TJP2: variants seen among roughly 807,000 people sequenced by gnomAD.
TJP2 encodes the protein tight junction protein 2, also known as Friedreich ataxia region gene X104 (tight junction protein ZO-2).
TJP2 carries 91 observed loss-of-function variants against 133.1 expected under a neutral mutation model. The ratio of observed to expected loss-of-function variants is 0.68; its 90% confidence interval spans 0.58 to 0.81. The LOEUF is 0.81. TJP2 is among the 40% of genes least tolerant of loss of function. The pLI, the probability that TJP2 is intolerant of heterozygous loss-of-function variation, is 0.00. For missense variants in TJP2, 1,541 were observed against 1,565.6 expected (o/e 0.98, Z 0.26); for synonymous variants, 592 against 583.4 (o/e 1.01, Z -0.21).
In TJP2 at chr9:69,234,436, T is replaced by C. The variant is rs746188997; in HGVS notation, c.1672-3T>C. 2.7e-6 allele frequency: 4 copies of C among 1,503,200 alleles called. No homozygotes were observed. In the South Asian group the frequency reaches 3.6e-5, roughly 13 times the overall value. The allele number at this position is 1,503,200 out of a possible 1,614,324, so 93.1% of individuals were successfully genotyped here. ...TTCTTTTTCTGTTTTTCCTTCCTAA[T>C]AGGTGAACACACAGGATTTCAGAGG... On this transcript the variant is annotated splice_polypyrimidine_tract_variant and splice_region_variant and intron_variant, in intron 11 of 22. Transcript: ENST00000377245.
At chr9:69,121,412 G>C, upstream of TJP2, 1 of 906,774 alleles carries the variant, frequency 1.1e-6, no homozygotes, top group Non-Finnish European at 1.3e-6. Flanking sequence ...GCTGCTCTCT[G>C]GCTCGCCACC....
Position 69,221,347 on chromosome 9 carries a change from A to C in TJP2, c.803A>C (p.Glu268Ala). 1 of 1,588,780 alleles carries C rather than the reference A, an allele frequency of 6.3e-7. No individual in the cohort carries two copies. ...DPDYERAYSPEYRRGARHDAR... is the reference protein window; with the variant it reads ...DPDYERAYSPAYRRGARHDAR... ...GACTACGAGCGGGCCTACAGCCCGG[A>C]GTACAGGCGCGGGGCCCGCCACGAT... The change falls in exon 5 of 23, where the codon GAG (glutamate) becomes GCG (alanine). Residue 268 changes from glutamate to alanine, a missense_variant. By Grantham distance (107) the Glu-to-Ala change is moderately radical (BLOSUM62 -1). Coordinates refer to ENST00000377245, the MANE Select transcript of TJP2 (RefSeq NM_004817.4).
intron 1 of TJP2, among the ~76,000 whole-genome samples, chr9:69,198,205 T>G (rs3002383): frequency 0.9 from 134,473 of 148,756 alleles, 60,866 homozygotes; most frequent in Middle Eastern, 0.94. Context: ...GCAGTGACAC[T>G]ATCTCAGCTC....
At chr9:69,164,131 T>C (rs1824229492) in intron 2 of TJP2, among the ~76,000 whole-genome samples, 1 of 152,164 alleles carries the variant, frequency 6.6e-6, no homozygotes, top group African/African-American at 2.4e-5. Flanking sequence ...TCCAGGCCAG[T>C]TTCCTTTGTT....
chr9:69,156,587 T>C (rs948220446), intron 2 of TJP2, among the ~76,000 whole-genome samples: 1 of 145,894 alleles, frequency 6.9e-6, no homozygotes, highest in Non-Finnish European at 1.5e-5. Flanking sequence ...GCGGGAGTGC[T>C]GTGGCGCGAT....
chr9:69,185,925 G>A (rs1422255612), intron 1 of TJP2, among the ~76,000 whole-genome samples: 1 of 145,970 alleles, frequency 6.9e-6, no homozygotes, highest in African/African-American at 2.5e-5. Flanking sequence ...TCTCGGTTGC[G>A]CCTGGCTAAT....
chr9:69,186,776 T>C (rs1197605498), intron 1 of TJP2, among the ~76,000 whole-genome samples: 2 of 152,236 alleles, frequency 1.3e-5, no homozygotes, highest in African/African-American at 2.4e-5. Context: ...GTGGTGTTGC[T>C]TCGTGTATTT....
chr9:69,180,275 C>T (rs1825402462), intron 1 of TJP2, among the ~76,000 whole-genome samples: 1 of 152,068 alleles, frequency 6.6e-6, no homozygotes, highest in African/African-American at 2.4e-5. Flanking sequence ...ATGCCTTTGC[C>T]ATCGTATTAA....
chr9:69,234,408 TTTTTC>T, intron 11 of TJP2, 26 bp from the exon 12 acceptor site: 1 of 1,394,852 alleles, frequency 7.2e-7, no homozygotes, highest in Non-Finnish European at 9.9e-7. Context: ...CTTTTTTTTT[TTTTTC>T]TTTTTCTGTT....
intron 1 of TJP2, among the ~76,000 whole-genome samples, chr9:69,134,929 G>A (rs905714321): frequency 6.6e-6 from 1 of 151,964 alleles, no homozygotes; most frequent in African/African-American, 2.4e-5. Flanking sequence ...TATGGAGAGA[G>A]AGGGAGAAGA....
intron 21 of TJP2, among the ~76,000 whole-genome samples, chr9:69,251,826 G>A (rs4617219): frequency 2.0e-5 from 3 of 152,144 alleles, no homozygotes; most frequent in Non-Finnish European, 4.4e-5. Context: ...AAACAAAGAA[G>A]AATTTAACTA....
At chr9:69,219,600 C>T (rs944494083) in intron 4 of TJP2, among the ~76,000 whole-genome samples, 6 of 152,084 alleles carry the variant, frequency 3.9e-5, no homozygotes, top group Admixed American at 3.3e-4. Context: ...ATGTCTTTTT[C>T]ATTTTTAGAG....
chr9:69,164,205 A>G (rs1824232759), intron 2 of TJP2, among the ~76,000 whole-genome samples: 1 of 152,154 alleles, frequency 6.6e-6, no homozygotes, highest in African/African-American at 2.4e-5. Flanking sequence ...GGTTTTTTCT[A>G]AGGCCACTTT....
intron 1 of TJP2, among the ~76,000 whole-genome samples, chr9:69,191,881 C>G (rs1163910951): frequency 6.6e-6 from 1 of 151,294 alleles, no homozygotes; most frequent in African/African-American, 2.4e-5. Context: ...GGATTATAGG[C>G]ACGTACCACC....
chr9:69,135,017 T>G (rs1011363920), intron 1 of TJP2, among the ~76,000 whole-genome samples: 5 of 151,926 alleles, frequency 3.3e-5, no homozygotes, highest in Non-Finnish European at 7.4e-5. Context: ...TCATTCTCTC[T>G]CTTGTTGTAG....
intron 20 of TJP2, chr9:69,249,843 T>C: frequency 1.3e-6 from 1 of 754,730 alleles, no homozygotes; most frequent in South Asian, 6.0e-5. Flanking sequence ...CAGCTAAAGT[T>C]TTCTGCCCAG....
intron 1 of TJP2, among the ~76,000 whole-genome samples, chr9:69,208,873 G>A (rs1007570438): frequency 2.0e-5 from 3 of 152,014 alleles, no homozygotes; most frequent in Non-Finnish European, 4.4e-5. Flanking sequence ...AGAAGAGTTG[G>A]CAAATATATT....
chr9:69,169,652 A>C (rs2132902826), upstream of TJP2, among the ~76,000 whole-genome samples: 1 of 151,982 alleles, frequency 6.6e-6, no homozygotes, highest in Non-Finnish European at 1.5e-5. Flanking sequence ...GAGCCACCGT[A>C]CCCGGCTGAA....
chr9:69,190,445 T>C (rs1369607409), intron 1 of TJP2, among the ~76,000 whole-genome samples: 1 of 152,208 alleles, frequency 6.6e-6, no homozygotes, highest in Non-Finnish European at 1.5e-5. Flanking sequence ...ACCAGAGAAG[T>C]TGCTACCAAG....
Sources: gnomAD v4.1 joint callset for allele counts (sites outside exome capture counted in the v4.1 genomes callset) on GRCh38, gnomAD v4.1.1 for gene constraint, MANE v1.5 for transcripts, NCBI Gene and HGNC (gene_info 2026-07-23, HGNC 2026-07-21) for gene names.